PHF10: variants seen among roughly 807,000 people sequenced by gnomAD.
PHF10 encodes PHD finger protein 10.
A neutral mutation model predicts 68.5 loss-of-function variants in PHF10; 51 were observed. The observed-to-expected ratio is 0.74, with a 90% CI of 0.59 to 0.94. The LOEUF (loss-of-function observed/expected upper bound fraction) is 0.94. PHF10 is among the 40% of genes least tolerant of loss of function. The pLI, the probability that PHF10 is intolerant of heterozygous loss-of-function variation, is 0.00. For missense variants in PHF10, 460 were observed against 602.6 expected (o/e 0.76, Z 2.48); for synonymous variants, 204 against 203.5 (o/e 1.00, Z -0.02).
chr6:169,712,854 C>T (rs1788956989), intron 7 of PHF10, among the ~76,000 whole-genome samples: 1 of 152,188 alleles, frequency 6.6e-6, no homozygotes, highest in African/African-American at 2.4e-5. Flanking sequence ...CTCACATCCA[C>T]CTCGACCACT....
chr6:169,710,128 T>C, intron 9 of PHF10, 108 bp downstream of exon 9: 3 of 754,920 alleles, frequency 4.0e-6, no homozygotes, highest in Non-Finnish European at 4.3e-6. Context: ...GAAGAACAGC[T>C]AGTGAGGTAC....
chr6:169,723,710 C>A, intron 1 of PHF10, 135 bp downstream of exon 1: 1 of 255,954 alleles, frequency 3.9e-6, no homozygotes, highest in Non-Finnish European at 6.6e-6. Context: ...CCGACCACCC[C>A]CGGTCTCAGG....
chr6:169,718,648 A>G, intron 3 of PHF10, 140 bp downstream of exon 3: 1 of 562,054 alleles, frequency 1.8e-6, no homozygotes, highest in Non-Finnish European at 3.1e-6. Flanking sequence ...AGCCTGGGTT[A>G]CAGAATGAGA....
rs755130754 is a variant in PHF10, at chr6:169,715,789, G to A, written c.612C>T (p.Ala204=). 1 of 1,613,042 alleles carries A rather than the reference G, an allele frequency of 6.2e-7. No homozygotes were observed. Among genetic ancestry groups the A allele is most frequent in the Admixed American group, 1.7e-5 (1 of 59,994 alleles). ...TGCTATTAAATTCTGCTGCTTTTTT[G>A]GCAGCTTTCTTAATATACTCAGGCA... is the stretch of plus-strand genomic sequence containing the variant. ...SKVPEYIKKA[A]KKAAEFNSNL... is the part of the protein sequence containing the mutation. The change falls in exon 6 of 12, where the codon GCC becomes GCT. Residue 204 remains alanine (A), a synonymous_variant. Coordinates refer to ENST00000339209, the MANE Select transcript of PHF10 (RefSeq NM_018288.4).
At chr6:169,719,102 C>A in intron 2 of PHF10, 184 bp from the exon 3 acceptor site, 1 of 484,370 alleles carries the variant, frequency 2.1e-6, no homozygotes, top group South Asian at 2.7e-5. Flanking sequence ...ATCTGGTCTA[C>A]CAAGTCAAAA....
Position 169,703,931 on chromosome 6 carries a change from T to C in PHF10, c.*72A>G, listed in dbSNP as rs1788645274. The C allele has an allele frequency of 1.6e-6, 2 of 1,239,046 alleles. No individual in the cohort carries two copies. Among genetic ancestry groups the C allele is most frequent in the Admixed American group, 5.6e-5 (2 of 35,882 alleles). 76.8% of individuals were successfully genotyped at this position (1,239,046 alleles called of 1,614,324 possible). ...TTGCAAAAAAAATCTTTTATTGGCA[T>C]GAAAATAATGTTGTAAATGGCACCA... On this transcript the variant is annotated 3_prime_UTR_variant, in exon 12 of 12. Coordinates refer to ENST00000339209, the MANE Select transcript of PHF10 (RefSeq NM_018288.4).
intron 7 of PHF10, among the ~76,000 whole-genome samples, chr6:169,713,598 CA>C (rs755248180): frequency 0.039 from 3,010 of 76,612 alleles, 49 homozygotes; most frequent in African/African-American, 0.088. Context: ...GACTCCATCT[CA>C]AAAAAAAAAA....
chr6:169,716,001 T>C lies in PHF10; in HGVS notation c.497A>G (p.Gln166Arg). ...TGTAATTCGTTGACGTTCTTTTTCT[T>C]GTAGAATAACAGAATACTCAGCATG... The part of the protein sequence containing the change: ...AKHAEYSVIL[Q>R]EKERQRITDH... The change falls in exon 5 of 12, where the codon CAA becomes CGA. Residue 166 changes from glutamine (Q) to arginine (R), a missense_variant. Coordinates refer to ENST00000339209, the MANE Select transcript of PHF10 (RefSeq NM_018288.4). 1 of 1,610,314 alleles carries C rather than the reference T, an allele frequency of 6.2e-7. No individual in the cohort carries two copies.
intron 2 of PHF10, among the ~76,000 whole-genome samples, chr6:169,719,846 T>C (rs1054079016): frequency 1.3e-5 from 2 of 151,796 alleles, no homozygotes; most frequent in African/African-American, 4.8e-5. Flanking sequence ...TCATCAAAAT[T>C]AAAAATTTTG....
intron 7 of PHF10, among the ~76,000 whole-genome samples, chr6:169,714,042 A>G (rs1788987638): frequency 2.0e-5 from 3 of 152,080 alleles, no homozygotes; most frequent in African/African-American, 7.2e-5. Context: ...AATCACTTGA[A>G]CACAGGAGGC....
At chr6:169,716,483 A>C (rs1789050295) in intron 4 of PHF10, among the ~76,000 whole-genome samples, 1 of 152,048 alleles carries the variant, frequency 6.6e-6, no homozygotes, top group Non-Finnish European at 1.5e-5. Context: ...AATTCCATAC[A>C]CAAGAAATAT....
intron 11 of PHF10, 75 bp from the exon 12 acceptor site, chr6:169,704,163 C>G (rs1476834081): frequency 6.4e-5 from 68 of 1,066,634 alleles, no homozygotes; most frequent in Non-Finnish European, 8.9e-5. Flanking sequence ...CTAAACTCTT[C>G]TGCCTTAGCT....
chr6:169,710,556 A>T (rs1353914850), intron 8 of PHF10, among the ~76,000 whole-genome samples, 165 bp from the exon 9 acceptor site: 1 of 152,216 alleles, frequency 6.6e-6, no homozygotes, highest in Admixed American at 6.5e-5. Context: ...TGGAGACTAA[A>T]GTAAGTTATG....
intron 6 of PHF10, 114 bp downstream of exon 6, chr6:169,715,594 A>AC (rs75598299): frequency 1.1e-6 from 1 of 940,266 alleles, no homozygotes; most frequent in Non-Finnish European, 1.6e-6. Context: ...AAACAAACAA[A>AC]AAAAACACAC....
intron 4 of PHF10, 100 bp from the exon 5 acceptor site, chr6:169,716,188 T>A: frequency 1.5e-6 from 1 of 657,828 alleles, no homozygotes; most frequent in Non-Finnish European, 2.4e-6. Flanking sequence ...CTCCACGTTG[T>A]AATGGTTTTC....
intron 9 of PHF10, chr6:169,707,481 A>G (rs900135112): frequency 1.3e-5 from 2 of 152,236 alleles, no homozygotes; most frequent in Non-Finnish European, 1.5e-5. Flanking sequence ...TACTAAATGT[A>G]AAAGATATAC....
intron 1 of PHF10, among the ~76,000 whole-genome samples, 169 bp downstream of exon 1, chr6:169,723,676 G>A (rs1020702368): frequency 2.6e-5 from 4 of 151,898 alleles, no homozygotes; most frequent in Non-Finnish European, 4.4e-5. Context: ...AGAGGCCGCG[G>A]GCTCACCTCG....
intron 1 of PHF10, among the ~76,000 whole-genome samples, chr6:169,722,005 CT>C (rs1789190555): frequency 1.3e-5 from 2 of 152,152 alleles, no homozygotes; most frequent in East Asian, 3.9e-4. Flanking sequence ...GGCACTGTCC[CT>C]CACTAGCTGA....
rs963308330 is a variant in PHF10, at chr6:169,703,982, G to T, written c.*21C>A. The T allele has an allele frequency of 1.9e-6, 3 of 1,557,300 alleles. No homozygotes were observed. The highest frequency in any genetic ancestry group is 2.6e-6 in the Non-Finnish European group (3 of 1,141,420). ...AATATTCCACTTAAATGCATATACA[G>T]TATTAGAGTCAAAAACTATTTTATC... On this transcript the variant is annotated 3_prime_UTR_variant, in exon 12 of 12. Transcript: ENST00000339209.
Sources: gnomAD v4.1 joint callset for allele counts (sites outside exome capture counted in the v4.1 genomes callset) on GRCh38, gnomAD v4.1.1 for gene constraint, MANE v1.5 for transcripts, NCBI Gene and HGNC (gene_info 2026-07-23, HGNC 2026-07-21) for gene names.